Variants in MPHOSPH10 observed in about 807,000 individuals in gnomAD.
MPHOSPH10 encodes the protein U3 small nucleolar ribonucleoprotein MPP10.
MPHOSPH10 carries 33 observed loss-of-function variants against 77.3 expected under a neutral mutation model. The ratio of observed to expected loss-of-function variants is 0.43; its 90% CI spans 0.32 to 0.57. MPHOSPH10 has a LOEUF of 0.57. Among genes scored for constraint, MPHOSPH10 ranks in the 20% least tolerant of loss-of-function variants. The pLI, the probability that MPHOSPH10 is intolerant of heterozygous loss-of-function variation, is 0.07. For synonymous variants in MPHOSPH10, 245 were observed against 268.0 expected, an observed-to-expected ratio of 0.91 and a Z score of 0.84; for missense variants, 708 against 780.1, an observed-to-expected ratio of 0.91 and a Z score of 1.10.
chr2:71,134,932 C>T lies in MPHOSPH10; in HGVS notation c.1098+135C>T, dbSNP rs929894893. 4 of 684,844 alleles carry T rather than the reference C, an allele frequency of 5.8e-6. 1 individual carries two copies. The South Asian group carries it at 8.1e-5, about 14-fold the overall frequency. The allele number at this position is 684,844 out of a possible 1,614,324, so 42.4% of individuals were successfully genotyped here. On this transcript the variant is annotated intron_variant, in intron 4 of 10. Coordinates refer to ENST00000244230, the MANE Select transcript of MPHOSPH10 (RefSeq NM_005791.3). ...CTGTAATCCTAACACTTTGGTAGTC[C>T]AAAGCAAGAGGATCGCTTGAGCTCA...
At chr2:71,141,965 G>A (rs1272611674) in intron 7 of MPHOSPH10, among the ~76,000 whole-genome samples, 4 of 152,142 alleles carry the variant, frequency 2.6e-5, no homozygotes, top group Middle Eastern at 3.2e-3. Flanking sequence ...CAGGGAAGTG[G>A]AGGTTGCAGT....
intron 9 of MPHOSPH10, chr2:71,148,933 T>A: frequency 2.5e-6 from 1 of 398,940 alleles, no homozygotes; most frequent in Non-Finnish European, 4.5e-6. Flanking sequence ...GGCTGGCTCC[T>A]CTTGTGCTGT....
intron 4 of MPHOSPH10, among the ~76,000 whole-genome samples, chr2:71,135,076 G>A (rs1047553098): frequency 1.3e-5 from 2 of 152,160 alleles, no homozygotes; most frequent in African/African-American, 4.8e-5. Flanking sequence ...TGAGGTGGGA[G>A]GATCACTTGA....
chr2:71,149,809 C>T, intron 10 of MPHOSPH10, 57 bp from the exon 11 acceptor site: 1 of 1,463,714 alleles, frequency 6.8e-7, no homozygotes, highest in African/African-American at 1.4e-5. Context: ...CTATTTTTGG[C>T]TTTTTTCACT....
chr2:71,146,652 G>A (rs1673715960), intron 8 of MPHOSPH10, among the ~76,000 whole-genome samples: 1 of 151,872 alleles, frequency 6.6e-6, no homozygotes, highest in Non-Finnish European at 1.5e-5. Flanking sequence ...GTGGCTTTTT[G>A]GACTGTCTTC....
chr2:71,143,986 T>A (rs1173087190), intron 7 of MPHOSPH10, among the ~76,000 whole-genome samples: 3 of 152,228 alleles, frequency 2.0e-5, no homozygotes, highest in Non-Finnish European at 4.4e-5. Context: ...TAATTCTCTG[T>A]GTAGCTTTTT....
rs1673772709 is a variant in MPHOSPH10, at chr2:71,149,282, A to T, written c.1725A>T (p.Lys575Asn). ...CTGAAAAAACAGCTACAGACAAGAA[A>T]CGAGAGCGAAGGAAAAAGAAATATC... Reference protein sequence around the residue: ...TAAEKTATDKKRERRKKKYQK... With the variant: ...TAAEKTATDKNRERRKKKYQK... Residue 575 changes from lysine (K) to asparagine (N), a missense_variant, in exon 10 of 11, where the codon AAA becomes AAT. Coordinates refer to ENST00000244230, the MANE Select transcript of MPHOSPH10 (RefSeq NM_005791.3). 6.2e-7 allele frequency: 1 copy of T among 1,603,280 alleles called. No individual in the cohort carries two copies. The highest frequency in any genetic ancestry group is 8.5e-7 in the Non-Finnish European group (1 of 1,174,616).
Position 71,136,913 on chromosome 2 carries a change from A to AACACACAC in MPHOSPH10, c.1099-1537_1099-1530dup, listed in dbSNP as rs56768441. ...CCAAACCTGACAGAGGTAGCATTAA[A>AACACACAC]ACACACACACACACACACACACACA... On this transcript the variant is annotated intron_variant, in intron 4 of 10. Coordinates refer to ENST00000244230, the MANE Select transcript of MPHOSPH10 (RefSeq NM_005791.3). Among the ~76,000 whole-genome samples, 1,025 of 119,054 alleles carry AACACACAC rather than the reference A, an allele frequency of 8.6e-3. 10 individuals are homozygous for AACACACAC. The highest frequency in any genetic ancestry group is 0.015 in the African/African-American group (435 of 29,060). 78.1% of individuals were successfully genotyped at this position (119,054 alleles called of 152,430 possible).
intron 5 of MPHOSPH10, chr2:71,138,895 T>TA (rs1673554971): frequency 6.7e-6 from 4 of 600,066 alleles, no homozygotes; most frequent in Non-Finnish European, 1.2e-5. Flanking sequence ...ATCAGCCAGA[T>TA]ACGGTGGCAG....
chr2:71,131,044 G>C (rs914227950), intron 1 of MPHOSPH10, among the ~76,000 whole-genome samples: 9 of 152,136 alleles, frequency 5.9e-5, no homozygotes, highest in Non-Finnish European at 1.0e-4. Flanking sequence ...CACACAGACT[G>C]TTGGTTTCTC....
At chr2:71,140,237 A>T (rs528704094) in intron 6 of MPHOSPH10, among the ~76,000 whole-genome samples, 1 of 152,292 alleles carries the variant, frequency 6.6e-6, no homozygotes, top group East Asian at 1.9e-4. Context: ...TGTTACTTAT[A>T]ACAGAATATC....
At chr2:71,142,292 G>A (rs367797473) in intron 7 of MPHOSPH10, among the ~76,000 whole-genome samples, 54 of 152,292 alleles carry the variant, frequency 3.5e-4, no homozygotes, top group African/African-American at 1.3e-3. Flanking sequence ...GAACTGAAAA[G>A]ATTTGAATTA....
At position 71,150,004 on chromosome 2, in the gene MPHOSPH10, T is replaced by G. The variant is rs1673794147; in HGVS notation, c.2035T>G (p.Leu679Val). The G allele has an allele frequency of 1.5e-6, 2 of 1,338,444 alleles. No individual in the cohort carries two copies. Among genetic ancestry groups the G allele is most frequent in the African/African-American group, 3.0e-5 (2 of 67,518 alleles). 82.9% of individuals were successfully genotyped at this position (1,338,444 alleles called of 1,614,324 possible). A position where few individuals can be genotyped will look rare whatever the true frequency, so the allele number is the denominator to read the frequency against. ...AAGACAGGATATTTCTGTTCATAAA[T>G]TAAAGCTGTAATATATTTTGAATAT... Reference protein sequence around the residue: ...KKRQDISVHKLKL With the variant: ...KKRQDISVHKVKL The change falls in exon 11 of 11, where the codon TTA becomes GTA. Residue 679 changes from leucine (L) to valine (V), a missense_variant. Leu to Val is a conservative substitution (Grantham distance 32). This residue lies in a region of MPHOSPH10 where 263 missense variants were observed against 320.0 expected (regional missense o/e 0.82). Transcript: ENST00000244230.
Position 71,133,372 on chromosome 2 carries a change from C to G in MPHOSPH10, c.564C>G (p.Asn188Lys). 1 of 1,614,016 alleles carries G rather than the reference C, an allele frequency of 6.2e-7. No homozygotes were observed. Among genetic ancestry groups the G allele is most frequent in the Non-Finnish European group, 8.5e-7 (1 of 1,179,988 alleles). ...TGGAACAGCAGAGCAAGGTGCAAAA[C>G]AAAGGACAGGGAAAACCAAGAGAAA... is the stretch of plus-strand genomic sequence containing the variant. ...SKLEQQSKVQNKGQGKPREKS... is the reference protein window; with the variant it reads ...SKLEQQSKVQKKGQGKPREKS... The change falls in exon 2 of 11, where the codon AAC becomes AAG. Residue 188 changes from asparagine (N) to lysine (K), a missense_variant. Around this residue, in one of 3 missense-constraint regions of MPHOSPH10, gnomAD observed 433 missense variants for 432.6 expected, o/e 1.00. Transcript: ENST00000244230.
Position 71,133,327 on chromosome 2 carries a change from T to G in MPHOSPH10, c.519T>G (p.Leu173=), listed in dbSNP as rs1189988362. Residue 173 remains leucine (L), a synonymous_variant, in exon 2 of 11, where the codon CTT becomes CTG. Coordinates refer to ENST00000244230, the MANE Select transcript of MPHOSPH10 (RefSeq NM_005791.3). ...TTTTCAGTGATGAGGATTCTGACCT[T>G]GACTTTGATATCAGCAAATTGGAAC... is the stretch of plus-strand genomic sequence containing the variant. ...SPVFSDEDSD[L]DFDISKLEQQ... 13 of 1,614,022 alleles carry G rather than the reference T, an allele frequency of 8.1e-6. No individual in the cohort carries two copies. Among genetic ancestry groups the G allele is most frequent in the Non-Finnish European group, 1.1e-5 (13 of 1,180,020 alleles).
chr2:71,149,902 G>A lies in MPHOSPH10; in HGVS notation c.1933G>A (p.Ala645Thr), dbSNP rs79381339. 65 of 1,573,290 alleles carry A rather than the reference G, an allele frequency of 4.1e-5. No homozygotes were observed. In the East Asian group the frequency reaches 1.4e-3, roughly 35 times the overall value. Residue 645 changes from alanine (A) to threonine (T), a missense_variant, in exon 11 of 11, where the codon GCA becomes ACA. Physicochemically the swap from Ala to Thr is moderately conservative, Grantham distance 58. Coordinates refer to ENST00000244230, the MANE Select transcript of MPHOSPH10 (RefSeq NM_005791.3). ...GKDKALKSSQ[A>T]FFSKLQDQVK... The stretch of plus-strand genomic sequence containing the variant: ...AGACAAGGCCTTAAAGTCCTCTCAA[G>A]CATTCTTTTCTAAATTACAAGATCA...
In MPHOSPH10 at chr2:71,133,703, T is replaced by A. The variant is rs1673432531; in HGVS notation, c.768+127T>A. On this transcript the variant is annotated intron_variant, in intron 2 of 10. Coordinates refer to ENST00000244230, the MANE Select transcript of MPHOSPH10 (RefSeq NM_005791.3). ...AAATATTGTGCTCTATCTTATCAGT[T>A]ATAAATGAATCTGTACTTCCATTCA... 9 of 1,094,986 alleles carry A rather than the reference T, an allele frequency of 8.2e-6. No homozygotes were observed. The South Asian group carries it at 1.7e-4, about 20-fold the overall frequency. 67.8% of individuals were successfully genotyped at this position (1,094,986 alleles called of 1,614,324 possible). A position where few individuals can be genotyped will look rare whatever the true frequency, so the allele number is the denominator to read the frequency against.
At chr2:71,148,787 G>C (rs1673764011) in intron 9 of MPHOSPH10, 1 of 187,210 alleles carries the variant, frequency 5.3e-6, no homozygotes, top group Non-Finnish European at 1.1e-5. Flanking sequence ...CCTCACTAGA[G>C]AGATGTTTCC....
chr2:71,131,406 C>T (rs1673376508), intron 1 of MPHOSPH10, among the ~76,000 whole-genome samples: 1 of 152,134 alleles, frequency 6.6e-6, no homozygotes, highest in Non-Finnish European at 1.5e-5. Context: ...AAATTCACTG[C>T]GTCCAAAATA....
Sources: allele counts gnomAD v4.1 joint callset (sites outside exome capture counted in the v4.1 genomes callset), GRCh38; gene constraint gnomAD v4.1.1; regional missense constraint gnomAD v4.1.1; transcripts MANE v1.5; gene names NCBI Gene and HGNC (gene_info 2026-07-23, HGNC 2026-07-21).